Variants in COL5A1 observed in about 807,000 individuals in gnomAD.
COL5A1 encodes collagen alpha-1(V) chain.
A neutral mutation model predicts 263.7 loss-of-function variants in COL5A1; 16 were observed. That is an observed-to-expected ratio of 0.06 (90% CI 0.04 to 0.09). The LOEUF (loss-of-function observed/expected upper bound fraction) is 0.09. Among genes scored for constraint, COL5A1 ranks in the 10% least tolerant of loss-of-function variants. The pLI is 1.00. For synonymous variants in COL5A1, 1,012 were observed against 1,004.5 expected (o/e 1.01, Z -0.14); for missense variants, 2,036 against 2,540.5 (o/e 0.80, Z 4.27).
At chr9:134,817,474 C>T (rs751646417) in intron 53 of COL5A1, among the ~76,000 whole-genome samples, 11 of 152,230 alleles carry the variant, frequency 7.2e-5, no homozygotes, top group Non-Finnish European at 1.3e-4. Flanking sequence ...GCACCCAGGA[C>T]GGAGGCCACA....
chr9:134,814,308 C>A (rs1216215411), intron 49 of COL5A1, among the ~76,000 whole-genome samples: 1 of 152,228 alleles, frequency 6.6e-6, no homozygotes. Flanking sequence ...CTTCGCGGGG[C>A]AGCTGCTGTC....
chr9:134,661,040 T>C (rs1832187347), intron 1 of COL5A1, among the ~76,000 whole-genome samples: 1 of 151,958 alleles, frequency 6.6e-6, no homozygotes. Flanking sequence ...GGATGGAAGG[T>C]ACCAGAAGAG....
At chr9:134,655,044 G>T (rs1359463882) in intron 1 of COL5A1, among the ~76,000 whole-genome samples, 1 of 134,578 alleles carries the variant, frequency 7.4e-6, no homozygotes, top group African/African-American at 2.8e-5. Context: ...GGGGTGTGTA[G>T]GGCTGGTGTG....
chr9:134,695,475 C>T (rs1362382654), intron 2 of COL5A1, among the ~76,000 whole-genome samples: 1 of 152,172 alleles, frequency 6.6e-6, no homozygotes, highest in Non-Finnish European at 1.5e-5. Context: ...GACGGCCGAA[C>T]AGGGTGCCAG....
chr9:134,817,874 C>G, intron 54 of COL5A1, 43 bp downstream of exon 54: 1 of 1,548,642 alleles, frequency 6.5e-7, no homozygotes. Context: ...TAGACCTCCC[C>G]CAGGGGAGCC....
rs1288078738 is a variant in COL5A1, at chr9:134,811,482, T to A, written c.3583-10T>A. On this transcript the variant is annotated splice_polypyrimidine_tract_variant and intron_variant, in intron 45 of 65. Transcript: ENST00000371817. ...AGCATCCTCACCCATGGCCGGTTATTTCCCTGCAGGGAGCTGACGGCGAGC... is the reference window on the plus strand; with the variant it reads ...AGCATCCTCACCCATGGCCGGTTATATCCCTGCAGGGAGCTGACGGCGAGC... The A allele has an allele frequency of 1.2e-6, 2 of 1,613,720 alleles. No individual in the cohort carries two copies. The highest frequency in any genetic ancestry group is 2.2e-5 in the South Asian group (2 of 91,076).
intron 18 of COL5A1, among the ~76,000 whole-genome samples, chr9:134,760,501 C>T (rs1192869223): frequency 3.3e-5 from 4 of 121,148 alleles, no homozygotes; most frequent in African/African-American, 1.4e-4. Context: ...ACCACACATG[C>T]ACACACGCAT....
At chr9:134,727,601 A>T (rs1264234416) in intron 5 of COL5A1, among the ~76,000 whole-genome samples, 1 of 152,218 alleles carries the variant, frequency 6.6e-6, no homozygotes, top group African/African-American at 2.4e-5. Context: ...AGAGTTTGTC[A>T]TCAATAACCC....
chr9:134,738,757 A>T lies in COL5A1; in HGVS notation c.1443A>T (p.Gly481=). The change falls in exon 11 of 66, where the codon GGA becomes GGT. Residue 481 remains glycine, a synonymous_variant. Transcript: ENST00000371817. ...PGPEGPAGLP[G]PPGTMGPTGQ... ...ATTTTTAATTCTAGGGTCTTCCCGG[A>T]CCTCCAGGAACCATGGGTCCCACTG... 6.2e-7 allele frequency: 1 copy of T among 1,612,922 alleles called. No individual in the cohort carries two copies. The highest frequency in any genetic ancestry group is 8.5e-7 in the Non-Finnish European group (1 of 1,179,242).
At chr9:134,738,420 G>T in intron 9 of COL5A1, 54 bp from the exon 10 acceptor site, 2 of 1,604,646 alleles carry the variant, frequency 1.2e-6, no homozygotes, top group South Asian at 1.1e-5. Context: ...CTGGGGTCTG[G>T]GGTGTCGGGA....
Position 134,805,001 on chromosome 9 carries a change from T to C in COL5A1, c.3141T>C (p.Pro1047=), listed in dbSNP as rs199862976. ...GTGACCCAGGCCCTGCAGGCCTCCC[T>C]GGGAAAGATGGCCCTCCAGGATTAC... ...TKGDPGPAGL[P]GKDGPPGLRG... Residue 1047 remains proline (P), a synonymous_variant, in exon 40 of 66, where the codon CCT becomes CCC. Transcript: ENST00000371817. The C allele has an allele frequency of 6.2e-7, 1 of 1,613,876 alleles. No homozygotes were observed. Among genetic ancestry groups the C allele is most frequent in the East Asian group, 2.2e-5 (1 of 44,876 alleles).
intron 4 of COL5A1, among the ~76,000 whole-genome samples, chr9:134,702,158 G>A (rs921283857): frequency 6.6e-6 from 1 of 152,172 alleles, no homozygotes; most frequent in Non-Finnish European, 1.5e-5. Flanking sequence ...TTGCCTCCGC[G>A]GCTTGGGTTA....
At chr9:134,656,472 G>A (rs1264047773) in intron 1 of COL5A1, among the ~76,000 whole-genome samples, 1 of 152,184 alleles carries the variant, frequency 6.6e-6, no homozygotes, top group African/African-American at 2.4e-5. Flanking sequence ...TAACCTCTCT[G>A]ATCTGAGGCA....
At position 134,820,227 on chromosome 9, in the gene COL5A1, C is replaced by G. The variant is rs747787995; in HGVS notation, c.4554+4C>G. ...CTCCGGTCCTAAGGGAGAACAGGTG[C>G]GTGAGATGGCACTTCTTGCATGTGG... is the stretch of plus-strand genomic sequence containing the variant. On this transcript the variant is annotated splice_donor_region_variant and intron_variant, in intron 58 of 65. Transcript: ENST00000371817. 6.2e-7 allele frequency: 1 copy of G among 1,608,570 alleles called. No individual in the cohort carries two copies.
intron 9 of COL5A1, among the ~76,000 whole-genome samples, chr9:134,733,843 C>T (rs1834995248): frequency 6.6e-6 from 1 of 152,246 alleles, no homozygotes; most frequent in African/African-American, 2.4e-5. Flanking sequence ...GGTTGCATTT[C>T]CCCAGACTTG....
rs920993012 is a variant in COL5A1 at position 134,782,412 on chromosome 9, C to T, written c.2431-255C>T. On this transcript the variant is annotated intron_variant, in intron 28 of 65. Transcript: ENST00000371817. The stretch of plus-strand genomic sequence containing the variant: ...CTGAGGCCTCGCCATGCAGAACATT[C>T]AGATTCAAACTGGGCCTGCCCAAGA... 8 of 586,742 alleles carry T rather than the reference C, an allele frequency of 1.4e-5. No individual in the cohort carries two copies. In the East Asian group the frequency reaches 2.3e-4, roughly 17 times the overall value. The allele number at this position is 586,742 out of a possible 1,614,324, so 36.3% of individuals were successfully genotyped here. A position where few individuals can be genotyped will look rare whatever the true frequency, so the allele number is the denominator to read the frequency against.
At chr9:134,701,455 GTC>G (rs1833673538) in intron 4 of COL5A1, 122 bp downstream of exon 4, 14 of 945,616 alleles carry the variant, frequency 1.5e-5, no homozygotes, top group Non-Finnish European at 2.3e-5. Context: ...TGTGGTCACC[GTC>G]TCTGTTGGTC....
Position 134,669,265 on chromosome 9 carries a change from C to CCCTTCCCTTCCCTTA in COL5A1, c.110-21633_110-21632insACCTTCCCTTCCCTT, listed in dbSNP as rs1588421797. Reference sequence around the variant, plus strand: ...CCCTTCCCTTCCCTTCCCTTCCCTTCCCTTCCCTTCCCTTCCCTTCCCTTC... The same window carrying CCCTTCCCTTCCCTTA: ...CCCTTCCCTTCCCTTCCCTTCCCTTCCCTTCCCTTCCCTTACCTTCCCTTCCCTTCCCTTCCCTTC... On this transcript the variant is annotated intron_variant, in intron 1 of 65. Transcript: ENST00000371817. Among the ~76,000 whole-genome samples, 5 of 103,434 alleles carry CCCTTCCCTTCCCTTA rather than the reference C, an allele frequency of 4.8e-5. No homozygotes were observed. The East Asian group carries it at 1.5e-3, about 32-fold the overall frequency. The allele number at this position is 103,434 out of a possible 152,430, so 67.9% of individuals were successfully genotyped here. A position where few individuals can be genotyped will look rare whatever the true frequency, so the allele number is the denominator to read the frequency against.
chr9:134,761,824 G>A, intron 18 of COL5A1, 101 bp from the exon 19 acceptor site: 1 of 1,175,728 alleles, frequency 8.5e-7, no homozygotes, highest in Non-Finnish European at 1.3e-6. Context: ...TGAGAGCTTG[G>A]GAATCTTACT....
Sources: allele counts gnomAD v4.1 joint callset (sites outside exome capture counted in the v4.1 genomes callset), GRCh38; gene constraint gnomAD v4.1.1; transcripts MANE v1.5; gene names NCBI Gene and HGNC (gene_info 2026-07-23, HGNC 2026-07-21).